SBF2: variants seen among roughly 807,000 people sequenced by gnomAD.
SBF2 encodes SET binding factor 2.
Under a neutral mutation model 225.2 loss-of-function variants are expected in SBF2, and 112 were observed. The observed-to-expected ratio is 0.50, with a 90% CI of 0.43 to 0.58. The LOEUF is 0.58. SBF2 is among the 20% of genes least tolerant of loss of function. SBF2 has a pLI of 0.00. For missense variants in SBF2, 1,996 were observed against 2,206.2 expected (o/e 0.90, Z 1.91); for synonymous variants, 763 against 773.3 (o/e 0.99, Z 0.22).
At chr11:9,983,757 CTG>C (rs1422611361) in intron 13 of SBF2, among the ~76,000 whole-genome samples, 6 of 152,186 alleles carry the variant, frequency 3.9e-5, no homozygotes, top group Non-Finnish European at 5.9e-5. Flanking sequence ...TCACAGGACT[CTG>C]TGCAGACAAT....
At chr11:9,838,962 C>CATA (rs1855910403) in intron 26 of SBF2, 2 of 169,740 alleles carry the variant, frequency 1.2e-5, no homozygotes. Flanking sequence ...AATTAGACCG[C>CATA]ATAAGAAAGC....
chr11:10,031,041 T>C lies in SBF2; in HGVS notation c.402+7A>G. 6.2e-7 allele frequency: 1 copy of C among 1,609,986 alleles called. No individual in the cohort carries two copies. Among genetic ancestry groups the C allele is most frequent in the Non-Finnish European group, 8.5e-7 (1 of 1,176,616 alleles). On this transcript the variant is annotated splice_region_variant and intron_variant, in intron 4 of 39. Transcript: ENST00000256190. ...CAAATTAATAATGATAACTATGTGT[T>C]CTTTACCCTAAAAATTTCTGGATAA...
chr11:9,991,026 T>C (rs543736893), intron 12 of SBF2, among the ~76,000 whole-genome samples: 1 of 152,298 alleles, frequency 6.6e-6, no homozygotes, highest in East Asian at 1.9e-4. Context: ...AAAGAGTATA[T>C]AAACCAATGT....
chr11:9,951,432 TAGG>T (rs1865856427), intron 16 of SBF2, among the ~76,000 whole-genome samples: 1 of 152,102 alleles, frequency 6.6e-6, no homozygotes, highest in African/African-American at 2.4e-5. Flanking sequence ...TAGCAGAATT[TAGG>T]AGATGAATTT....
At chr11:9,927,081 T>C (rs1296549223) in intron 16 of SBF2, among the ~76,000 whole-genome samples, 1 of 152,184 alleles carries the variant, frequency 6.6e-6, no homozygotes, top group African/African-American at 2.4e-5. Context: ...ATTCTATAGA[T>C]ATTAAAAAGA....
intron 12 of SBF2, among the ~76,000 whole-genome samples, chr11:9,989,871 G>A (rs1022735132): frequency 6.6e-6 from 1 of 152,102 alleles, no homozygotes; most frequent in African/African-American, 2.4e-5. Context: ...TCATTCCACA[G>A]GCCTCAGTCA....
intron 2 of SBF2, among the ~76,000 whole-genome samples, chr11:10,062,810 C>A (rs758103362): frequency 5.3e-5 from 8 of 152,082 alleles, no homozygotes; most frequent in Non-Finnish European, 1.0e-4. Context: ...AGCAGAACTA[C>A]CATTTGACTC....
intron 38 of SBF2, 144 bp from the exon 39 acceptor site, chr11:9,781,782 A>T: frequency 1.1e-6 from 1 of 946,104 alleles, no homozygotes; most frequent in East Asian, 2.6e-5. Context: ...AAATTAATTA[A>T]TAATACTTGT....
At chr11:10,103,467 C>T (rs1232237333) in intron 2 of SBF2, among the ~76,000 whole-genome samples, 1 of 152,088 alleles carries the variant, frequency 6.6e-6, no homozygotes, top group East Asian at 1.9e-4. Flanking sequence ...TCTGATATGA[C>T]TTAGTATATG....
intron 13 of SBF2, among the ~76,000 whole-genome samples, chr11:9,970,206 T>G (rs1215124742): frequency 6.6e-6 from 1 of 151,618 alleles, no homozygotes; most frequent in Non-Finnish European, 1.5e-5. Context: ...ATCCCATATA[T>G]CCTATTTTTT....
Position 9,832,345 on chromosome 11 carries a change from G to T in SBF2, c.3531C>A (p.His1177Gln). ...TCCAACATACAACAGGCAGGCGATT[G>T]TGTCGATAGCAGCGAGCTACTCTTG... ...SLPRVARCYR[H>Q]NRLPVVCWKN... The change falls in exon 27 of 40, where the codon CAC becomes CAA. Residue 1177 changes from histidine (H) to glutamine (Q), a missense_variant. Coordinates refer to ENST00000256190, the MANE Select transcript of SBF2 (RefSeq NM_030962.4). 4.3e-6 allele frequency: 7 copies of T among 1,614,118 alleles called. No homozygotes were observed. The highest frequency in any genetic ancestry group is 1.3e-5 in the African/African-American group (1 of 75,032).
intron 29 of SBF2, among the ~76,000 whole-genome samples, chr11:9,815,575 G>A (rs1287097294): frequency 1.3e-5 from 2 of 152,112 alleles, no homozygotes; most frequent in African/African-American, 4.8e-5. Flanking sequence ...ACTCAAATAC[G>A]TATGATCACA....
At chr11:9,790,973 T>G in intron 33 of SBF2, 1 of 248,008 alleles carries the variant, frequency 4.0e-6, no homozygotes, top group Non-Finnish European at 7.8e-6. Context: ...TATATCTAGA[T>G]TCAAAGAAGT....
At chr11:9,788,340 A>G (rs1852507836) in intron 35 of SBF2, among the ~76,000 whole-genome samples, 1 of 152,148 alleles carries the variant, frequency 6.6e-6, no homozygotes. Context: ...TCAGGGCTCA[A>G]AGCTATTCCT....
intron 2 of SBF2, among the ~76,000 whole-genome samples, chr11:10,174,079 C>A (rs902048705): frequency 1.3e-5 from 2 of 151,770 alleles, no homozygotes; most frequent in Non-Finnish European, 2.9e-5. Flanking sequence ...AGCAGAAAAA[C>A]TGGAAACTCT....
chr11:9,835,948 T>C (rs978653297), intron 26 of SBF2, among the ~76,000 whole-genome samples: 1 of 152,108 alleles, frequency 6.6e-6, no homozygotes, highest in South Asian at 2.1e-4. Flanking sequence ...GGAGCACATA[T>C]GTATTTCTGT....
rs377229266 is a variant in SBF2 at position 10,201,401 on chromosome 11, G to C, written c.56-7414C>G. On this transcript the variant is annotated intron_variant, in intron 1 of 39. Transcript: ENST00000256190. ...AGAATAAGTAGATCTAATTGTGCCA[G>C]TATAGACCAACTTTCAAAAGATAAG... is the stretch of plus-strand genomic sequence containing the variant. 3.3e-5 allele frequency among the ~76,000 whole-genome samples: 5 copies of C among 152,308 alleles called. No individual in the cohort carries two copies. The South Asian group carries it at 8.3e-4, about 25-fold the overall frequency.
At chr11:10,151,904 C>G (rs1955214190) in intron 2 of SBF2, among the ~76,000 whole-genome samples, 1 of 152,216 alleles carries the variant, frequency 6.6e-6, no homozygotes, top group African/African-American at 2.4e-5. Context: ...TTACTGTCAT[C>G]TTCACTAAAC....
chr11:10,264,184 A>G (rs976240146), intron 1 of SBF2, among the ~76,000 whole-genome samples: 2 of 152,202 alleles, frequency 1.3e-5, no homozygotes, highest in African/African-American at 4.8e-5. Context: ...AATGCTCAGC[A>G]ACCATAATCT....
Sources: gnomAD v4.1 joint callset for allele counts (sites outside exome capture counted in the v4.1 genomes callset) on GRCh38, gnomAD v4.1.1 for gene constraint, MANE v1.5 for transcripts, NCBI Gene and HGNC (gene_info 2026-07-23, HGNC 2026-07-21) for gene names.